The following FBN1 variants were observed in gnomAD, a reference collection of about 807,000 sequenced individuals.
FBN1 encodes fibrillin 1.
In FBN1, 29 loss-of-function variants were observed where a neutral mutation model predicts 365.1. The ratio of observed to expected loss-of-function variants is 0.08; its 90% CI spans 0.06 to 0.11. FBN1 has a LOEUF of 0.11. Among genes scored for constraint, FBN1 ranks in the 10% least tolerant of loss-of-function variants. FBN1 has a pLI of 1.00. For synonymous variants in FBN1, 1,210 were observed against 1,270.5 expected (o/e 0.95, Z 1.01); for missense variants, 2,476 against 3,703.2 (o/e 0.67, Z 8.60).
At chr15:48,472,437 A>T in intron 35 of FBN1, 114 bp downstream of exon 35, 2 of 1,397,256 alleles carry the variant, frequency 1.4e-6, no homozygotes, top group Non-Finnish European at 2.0e-6. Flanking sequence ...CTTAGAAATG[A>T]AGCTAAAACA....
At chr15:48,446,845 A>G (rs761623061) in intron 46 of FBN1, 23 bp from the exon 47 acceptor site, 5 of 1,479,124 alleles carry the variant, frequency 3.4e-6, no homozygotes, top group African/African-American at 1.4e-5. Context: ...AAGGCCATAA[A>G]GAAACATAAT....
chr15:48,421,414 G>A (rs1477253925), intron 62 of FBN1, 144 bp downstream of exon 62: 2 of 903,326 alleles, frequency 2.2e-6, no homozygotes, highest in Non-Finnish European at 1.8e-6. Context: ...TAAGATACAG[G>A]ACCTGTGCAC....
chr15:48,595,988 C>T (rs1478373912), intron 6 of FBN1, among the ~76,000 whole-genome samples: 3 of 152,204 alleles, frequency 2.0e-5, no homozygotes, highest in Non-Finnish European at 2.9e-5. Flanking sequence ...AGAAAGTTCT[C>T]CCCTTTTTAT....
chr15:48,585,078 T>C (rs1192766155), intron 6 of FBN1, among the ~76,000 whole-genome samples: 1 of 152,186 alleles, frequency 6.6e-6, no homozygotes, highest in Non-Finnish European at 1.5e-5. Context: ...AAACAAATGG[T>C]TCATGAAGAG....
intron 6 of FBN1, among the ~76,000 whole-genome samples, chr15:48,571,909 G>A (rs1031008559): frequency 1.3e-5 from 2 of 152,196 alleles, no homozygotes; most frequent in African/African-American, 4.8e-5. Flanking sequence ...ATGTGTATGT[G>A]TGGAAAACAT....
intron 6 of FBN1, among the ~76,000 whole-genome samples, chr15:48,550,852 T>C (rs1400531600): frequency 1.3e-5 from 2 of 152,144 alleles, no homozygotes; most frequent in Non-Finnish European, 2.9e-5. Flanking sequence ...ACTTATATGA[T>C]TGTCTTTCAT....
chr15:48,497,949 G>A (rs891121313), intron 18 of FBN1, among the ~76,000 whole-genome samples: 3 of 152,154 alleles, frequency 2.0e-5, no homozygotes, highest in South Asian at 4.1e-4. Flanking sequence ...TCTTCACTCT[G>A]TGTCAGGAAT....
chr15:48,467,885 A>G lies in FBN1; in HGVS notation c.4747+53T>C, dbSNP rs2043335777. Reference sequence around the variant, plus strand: ...GAAAAGGTTTGTCTTCTGATCTAGAAAGGAGAACTGGCTGGAGTTGAAATA... The same window carrying G: ...GAAAAGGTTTGTCTTCTGATCTAGAGAGGAGAACTGGCTGGAGTTGAAATA... On this transcript the variant is annotated intron_variant, in intron 38 of 65. Transcript: ENST00000316623. 1.3e-5 allele frequency: 19 copies of G among 1,511,450 alleles called. No homozygotes were observed. In the South Asian group the frequency reaches 1.9e-4, roughly 15 times the overall value. 93.6% of individuals were successfully genotyped at this position (1,511,450 alleles called of 1,614,324 possible).
intron 2 of FBN1, among the ~76,000 whole-genome samples, chr15:48,621,609 T>A (rs1444228694): frequency 6.7e-6 from 1 of 150,008 alleles, no homozygotes; most frequent in Admixed American, 6.6e-5. Context: ...GTATCCTAGA[T>A]GGGATTCTGA....
intron 6 of FBN1, among the ~76,000 whole-genome samples, chr15:48,560,111 C>T (rs941319785): frequency 3.3e-5 from 5 of 152,146 alleles, no homozygotes; most frequent in Admixed American, 6.5e-5. Context: ...TGGGTATTGG[C>T]AGAGGTACGT....
intron 8 of FBN1, chr15:48,529,153 G>A (rs7170686): frequency 0.17 from 25,556 of 152,228 alleles, 3,355 homozygotes; most frequent in African/African-American, 0.37. Flanking sequence ...AGGTGGGGAC[G>A]CTTGCTGGGG....
At chr15:48,553,672 A>G (rs1360992567) in intron 6 of FBN1, among the ~76,000 whole-genome samples, 2 of 149,946 alleles carry the variant, frequency 1.3e-5, no homozygotes, top group Admixed American at 1.3e-4. Flanking sequence ...GAGATGAGCC[A>G]TTTTTTTTTT....
At chr15:48,435,006 A>AG (rs2043055001) in intron 53 of FBN1, among the ~76,000 whole-genome samples, 1 of 152,244 alleles carries the variant, frequency 6.6e-6, no homozygotes, top group Non-Finnish European at 1.5e-5. Flanking sequence ...CATGTTGGCC[A>AG]GGCTGGTCTT....
In FBN1 at chr15:48,489,977, C is replaced by T. The variant is rs112287730; in HGVS notation, c.2956G>A (p.Ala986Thr). The T allele has an allele frequency of 1.1e-3, 1,776 of 1,614,124 alleles. 5 individuals are homozygous for T. The highest frequency in any genetic ancestry group is 1.7e-3 in the South Asian group (151 of 91,076). Residue 986 changes from alanine to threonine, a missense_variant, in exon 25 of 66, where the codon GCA (alanine) becomes ACA (threonine). By Grantham distance (58) the Ala-to-Thr change is moderately conservative. Transcript: ENST00000316623. ...TCGCATTCCTCAGTACCCCAGGCTG[C>T]CCCGACGGAGCAGCAGCAGGCGTCC... is the stretch of plus-strand genomic sequence containing the variant. ...RMDACCCSVG[A>T]AWGTEECEEC...
At chr15:48,522,285 A>G (rs975579793) in intron 9 of FBN1, among the ~76,000 whole-genome samples, 1 of 152,084 alleles carries the variant, frequency 6.6e-6, no homozygotes, top group Non-Finnish European at 1.5e-5. Flanking sequence ...TTAATTTAAT[A>G]CACTTTATTG....
At chr15:48,500,372 T>C (rs994414533) in intron 17 of FBN1, among the ~76,000 whole-genome samples, 5 of 152,218 alleles carry the variant, frequency 3.3e-5, no homozygotes, top group African/African-American at 9.7e-5. Context: ...CCATTTTTTG[T>C]AGTGAGTTCA....
At chr15:48,471,936 T>C (rs2043379704) in intron 35 of FBN1, among the ~76,000 whole-genome samples, 1 of 152,236 alleles carries the variant, frequency 6.6e-6, no homozygotes, top group Non-Finnish European at 1.5e-5. Flanking sequence ...CTTATCAGAA[T>C]GACAGAGCCT....
chr15:48,562,248 A>T (rs982203748), intron 6 of FBN1, among the ~76,000 whole-genome samples: 2 of 152,178 alleles, frequency 1.3e-5, no homozygotes, highest in Non-Finnish European at 2.9e-5. Context: ...CCGTGCTGTG[A>T]TGCTGGGACA....
At chr15:48,451,121 A>C (rs1483668897) in intron 45 of FBN1, among the ~76,000 whole-genome samples, 3 of 152,224 alleles carry the variant, frequency 2.0e-5, no homozygotes, top group Admixed American at 2.0e-4. Flanking sequence ...TAAATGACTT[A>C]AGCTCCAGCA....
Sources: gnomAD v4.1 joint callset for allele counts (sites outside exome capture counted in the v4.1 genomes callset) on GRCh38, gnomAD v4.1.1 for gene constraint, MANE v1.5 for transcripts, NCBI Gene and HGNC (gene_info 2026-07-23, HGNC 2026-07-21) for gene names.